Variants in KANK1 observed in about 807,000 individuals in gnomAD.
KANK1 encodes KN motif and ankyrin repeat domains 1, also known as KN motif and ankyrin repeat domain-containing protein 1.
A neutral mutation model predicts 106.2 loss-of-function variants in KANK1; 109 were observed. The observed-to-expected ratio is 1.03, with a 90% confidence interval of 0.88 to 1.20. KANK1 has a LOEUF of 1.20. Among genes scored for constraint, KANK1 ranks in the 50% most tolerant of loss-of-function variants. The pLI, the probability that KANK1 is intolerant of heterozygous loss-of-function variation, is 0.00. For missense variants in KANK1, 2,399 were observed against 1,710.7 expected, an observed-to-expected ratio of 1.40 and a Z score of -7.10; for synonymous variants, 873 against 652.2, an observed-to-expected ratio of 1.34 and a Z score of -5.16.
Position 494,846 on chromosome 9 carries a change from A to G in KANK1, c.-362+21573A>G, listed in dbSNP as rs139104634. Among the ~76,000 whole-genome samples, 12 of 152,362 alleles carry G rather than the reference A, an allele frequency of 7.9e-5. No homozygotes were observed. The South Asian group carries it at 1.7e-3, about 21-fold the overall frequency. On this transcript the variant is annotated intron_variant, in intron 3 of 15. Transcript: ENST00000382303. The stretch of plus-strand genomic sequence containing the variant: ...TAACTGGCACAATAAAAATAGTGCA[A>G]ATTAGCTGGGCAGTGTAGTGAAAGT...
rs144004686 is a variant in KANK1 at position 648,398 on chromosome 9, G to A, written c.-83-28492G>A. 3.5e-3 allele frequency among the ~76,000 whole-genome samples: 526 copies of A among 152,124 alleles called. 5 individuals are homozygous for A. The highest frequency in any genetic ancestry group is 0.01 in the African/African-American group (432 of 41,484). On this transcript the variant is annotated intron_variant, in intron 1 of 11. Transcript: ENST00000382297. ...TCTCAACATATTTAAAAACTATGCC[G>A]TATATGTATAAGATTTGCCACCTCT...
chr9:495,329 C>T (rs951510340), intron 3 of KANK1: 2 of 152,120 alleles, frequency 1.3e-5, no homozygotes, highest in Admixed American at 6.5e-5. Context: ...TGTTGAAATT[C>T]GGGACTATGT....
At chr9:582,812 G>A (rs991402453) in intron 1 of KANK1, among the ~76,000 whole-genome samples, 14 of 152,184 alleles carry the variant, frequency 9.2e-5, no homozygotes, top group African/African-American at 3.4e-4. Context: ...ATACAGCACA[G>A]TGTGCTTTGC....
At chr9:539,243 G>A (rs2060461033) in intron 1 of KANK1, among the ~76,000 whole-genome samples, 2 of 152,084 alleles carry the variant, frequency 1.3e-5, no homozygotes, top group South Asian at 4.1e-4. Context: ...GGCTGTTTGG[G>A]GCATTTTGTA....
At chr9:614,537 C>T (rs545185213) in intron 1 of KANK1, among the ~76,000 whole-genome samples, 1 of 152,258 alleles carries the variant, frequency 6.6e-6, no homozygotes, top group East Asian at 1.9e-4. Flanking sequence ...AGTTGTGCTG[C>T]TGGTGTTATG....
At chr9:744,193 T>TAATC (rs1836548468) in intron 10 of KANK1, among the ~76,000 whole-genome samples, 1 of 151,166 alleles carries the variant, frequency 6.6e-6, no homozygotes, top group Non-Finnish European at 1.5e-5. Context: ...CATAATTAAT[T>TAATC]AGAAGAAAAA....
chr9:494,040 G>C (rs1046666483), intron 3 of KANK1, among the ~76,000 whole-genome samples: 1 of 151,696 alleles, frequency 6.6e-6, no homozygotes, highest in Non-Finnish European at 1.5e-5. Context: ...ACACCGCCAT[G>C]CCCCACTAAT....
intron 1 of KANK1, among the ~76,000 whole-genome samples, chr9:538,689 A>T (rs570275999): frequency 6.6e-6 from 1 of 152,194 alleles, no homozygotes; most frequent in East Asian, 1.9e-4. Context: ...ATAAGGAAGG[A>T]GTCAGAGTTG....
chr9:477,112 A>G (rs530428786), intron 3 of KANK1, among the ~76,000 whole-genome samples: 2 of 152,230 alleles, frequency 1.3e-5, no homozygotes. Flanking sequence ...TGAGCAGGGC[A>G]TGACAGGGAG....
rs149084843 is a variant in KANK1, at chr9:608,910, A to G, written c.-83-67980A>G. Among the ~76,000 whole-genome samples, 133 of 152,300 alleles carry G rather than the reference A, an allele frequency of 8.7e-4. 1 individual carries two copies. The highest frequency in any genetic ancestry group is 2.8e-3 in the African/African-American group (116 of 41,566). On this transcript the variant is annotated intron_variant, in intron 1 of 11. Coordinates refer to ENST00000382297, the MANE Select transcript of KANK1 (RefSeq NM_015158.5). ...AGATGCATTCATACACATTGCTTCAATAGAGCATTTTCTTGGATGGAAGCA... is the reference window on the plus strand; with the variant it reads ...AGATGCATTCATACACATTGCTTCAGTAGAGCATTTTCTTGGATGGAAGCA...
intron 3 of KANK1, among the ~76,000 whole-genome samples, chr9:719,590 C>T (rs1222570692): frequency 6.6e-6 from 1 of 151,444 alleles, no homozygotes; most frequent in Non-Finnish European, 1.5e-5. Flanking sequence ...TTTTAAAATC[C>T]ATTTTAATAT....
At chr9:732,344 C>T (rs749386635) in intron 5 of KANK1, 34 bp from the exon 6 acceptor site, 2 of 1,595,150 alleles carry the variant, frequency 1.3e-6, no homozygotes, top group Admixed American at 3.4e-5. Context: ...CGTGAGCACA[C>T]CTTGCATCTC....
intron 1 of KANK1, among the ~76,000 whole-genome samples, chr9:586,388 G>C (rs1164756873): frequency 6.6e-6 from 1 of 152,186 alleles, no homozygotes; most frequent in Non-Finnish European, 1.5e-5. Flanking sequence ...GTCCAAGTTA[G>C]AGGCTCTTGT....
chr9:654,649 A>G (rs1437586475), intron 1 of KANK1, among the ~76,000 whole-genome samples: 1 of 152,112 alleles, frequency 6.6e-6, no homozygotes, highest in Non-Finnish European at 1.5e-5. Flanking sequence ...CACATTTTTA[A>G]ATGAATTTTA....
At position 684,982 on chromosome 9, in the gene KANK1, A is replaced by G. The variant is rs572335592; in HGVS notation, c.37+7973A>G. 5.3e-5 allele frequency among the ~76,000 whole-genome samples: 8 copies of G among 152,288 alleles called. No homozygotes were observed. The South Asian group carries it at 1.7e-3, about 32-fold the overall frequency. On this transcript the variant is annotated intron_variant, in intron 2 of 11. Transcript: ENST00000382297. ...AGACCCATCCAGGAAATCAGATTTT[A>G]TAAGATTCATTCAAACAGTTGTAGA...
intron 3 of KANK1, among the ~76,000 whole-genome samples, chr9:488,778 TTTA>T (rs1456300730): frequency 7.9e-5 from 12 of 152,248 alleles, no homozygotes; most frequent in East Asian, 1.9e-4. Context: ...AGCAGTGTTG[TTTA>T]TTATTATTCT....
At chr9:572,168 T>TTC (rs1319781218) in intron 1 of KANK1, among the ~76,000 whole-genome samples, 12 of 121,586 alleles carry the variant, frequency 9.9e-5, no homozygotes, top group Non-Finnish European at 2.1e-4. Context: ...TTTTTTTTTT[T>TTC]TTCTAAGAGA....
At chr9:511,510 A>G (rs533886111) in intron 1 of KANK1, among the ~76,000 whole-genome samples, 22 of 152,296 alleles carry the variant, frequency 1.4e-4, no homozygotes, top group Non-Finnish European at 2.2e-4. Context: ...TAATAAAAGC[A>G]TCTCCTTTAT....
chr9:539,142 A>G (rs962702295), intron 1 of KANK1, among the ~76,000 whole-genome samples: 9 of 152,092 alleles, frequency 5.9e-5, no homozygotes, highest in African/African-American at 2.2e-4. Context: ...CGGCCTCCCT[A>G]AGTGCTGGGA....
Sources: allele counts gnomAD v4.1 joint callset (sites outside exome capture counted in the v4.1 genomes callset), GRCh38; gene constraint gnomAD v4.1.1; transcripts MANE v1.5; gene names NCBI Gene and HGNC (gene_info 2026-07-23, HGNC 2026-07-21).